Variants in PDE1C observed in about 807,000 individuals in gnomAD.
The protein encoded by PDE1C is dual specificity calcium/calmodulin-dependent 3',5'-cyclic nucleotide phosphodiesterase 1C.
Under a neutral mutation model 93.1 loss-of-function variants are expected in PDE1C, and 62 were observed. The observed-to-expected ratio is 0.67, with a 90% CI of 0.54 to 0.82. PDE1C has a LOEUF of 0.82. Among genes scored for constraint, PDE1C ranks in the 40% least tolerant of loss-of-function variants. The pLI is 0.00. For synonymous variants in PDE1C, 325 were observed against 310.1 expected (o/e 1.05, Z -0.50); for missense variants, 742 against 884.6 (o/e 0.84, Z 2.04).
intron 2 of PDE1C, among the ~76,000 whole-genome samples, chr7:32,176,079 T>C (rs922908921): frequency 4.6e-5 from 7 of 152,260 alleles, no homozygotes; most frequent in African/African-American, 1.7e-4. Flanking sequence ...CATGTTCACT[T>C]TGTACTTGTA....
chr7:32,004,928 G>A (rs1785989317), intron 2 of PDE1C, among the ~76,000 whole-genome samples: 1 of 152,142 alleles, frequency 6.6e-6, no homozygotes, highest in African/African-American at 2.4e-5. Flanking sequence ...AGAGAAAACT[G>A]AGGTCTCTTC....
intron 3 of PDE1C, 161 bp from the exon 4 acceptor site, chr7:31,879,339 T>C: frequency 1.6e-6 from 1 of 630,846 alleles, no homozygotes; most frequent in Non-Finnish European, 2.7e-6. Context: ...AAGGCTTATG[T>C]AAGCTCGCCA....
At chr7:31,813,192 C>G (rs1416776779) in intron 15 of PDE1C, among the ~76,000 whole-genome samples, 1 of 152,112 alleles carries the variant, frequency 6.6e-6, no homozygotes, top group East Asian at 1.9e-4. Context: ...GCCTTTCTCA[C>G]CACCCCTTAC....
At chr7:31,738,501 G>A in the PDE1C span, among the ~76,000 whole-genome samples, 1 of 152,200 alleles carries the variant, frequency 6.6e-6, no homozygotes, top group African/African-American at 2.4e-5. Context: ...TCGCCACCTG[G>A]CCCTGCTCTT....
intron 7 of PDE1C, among the ~76,000 whole-genome samples, chr7:31,859,119 C>CTG (rs1554374146): frequency 4.3e-4 from 64 of 147,824 alleles, no homozygotes; most frequent in African/African-American, 1.6e-3. Context: ...GATGTATTGA[C>CTG]TATATATATA....
chr7:32,307,911 G>A (rs866932177), intron 1 of PDE1C, among the ~76,000 whole-genome samples: 4 of 152,192 alleles, frequency 2.6e-5, no homozygotes, highest in East Asian at 1.9e-4. Flanking sequence ...CACTGTGCGT[G>A]AGCCGAAGCA....
At chr7:32,318,735 G>A (rs1296979110) in intron 1 of PDE1C, among the ~76,000 whole-genome samples, 1 of 152,194 alleles carries the variant, frequency 6.6e-6, no homozygotes, top group Non-Finnish European at 1.5e-5. Flanking sequence ...AGTTGGTCAC[G>A]AGGACATTAA....
At chr7:31,843,567 G>A (rs1425730748) in intron 9 of PDE1C, among the ~76,000 whole-genome samples, 1 of 151,612 alleles carries the variant, frequency 6.6e-6, no homozygotes, top group Admixed American at 6.6e-5. Flanking sequence ...GAACCTTTTT[G>A]TGTATTTATA....
intron 1 of PDE1C, among the ~76,000 whole-genome samples, chr7:32,066,622 G>T (rs916144948): frequency 4.6e-5 from 7 of 152,092 alleles, no homozygotes; most frequent in African/African-American, 1.4e-4. Flanking sequence ...GGGACCCAAG[G>T]TACAGTCATA....
chr7:31,812,024 T>C (rs1392133582), intron 15 of PDE1C, among the ~76,000 whole-genome samples: 1 of 152,076 alleles, frequency 6.6e-6, no homozygotes, highest in Non-Finnish European at 1.5e-5. Context: ...GTATCTGGAG[T>C]AATGGCTGAC....
chr7:31,643,691 A>G, the PDE1C span: 31 of 1,614,036 alleles, frequency 1.9e-5, no homozygotes, highest in Non-Finnish European at 2.4e-5. Context: ...ACCTTGACAC[A>G]TGGGCCCCAG....
chr7:32,090,456 G>A (rs1323415370), intron 3 of PDE1C, among the ~76,000 whole-genome samples: 4 of 152,240 alleles, frequency 2.6e-5, no homozygotes, highest in East Asian at 1.9e-4. Context: ...TGACATGCGC[G>A]GGCTTTCTTC....
intron 2 of PDE1C, among the ~76,000 whole-genome samples, chr7:32,008,931 A>G (rs932216044): frequency 2.3e-4 from 2 of 8,742 alleles, no homozygotes; most frequent in African/African-American, 2.6e-3. Context: ...TTGATATCAT[A>G]AGACAAAAAA....
chr7:31,784,967 C>T (rs1783771934), intron 16 of PDE1C: 1 of 152,098 alleles, frequency 6.6e-6, no homozygotes, highest in South Asian at 2.1e-4. Flanking sequence ...GACAGTAGTA[C>T]ACAAATTCTA....
intron 1 of PDE1C, among the ~76,000 whole-genome samples, chr7:32,212,025 C>CAAAAAAAAAAAAA (rs35827566): frequency 2.5e-5 from 2 of 81,276 alleles, no homozygotes; most frequent in East Asian, 6.5e-4. Flanking sequence ...GAACCTATCT[C>CAAAAAAAAAAAAA]AAAAAAAAAA....
At chr7:32,003,628 A>G (rs1257661574) in intron 2 of PDE1C, among the ~76,000 whole-genome samples, 1 of 152,222 alleles carries the variant, frequency 6.6e-6, no homozygotes, top group Non-Finnish European at 1.5e-5. Flanking sequence ...ATAACAACAT[A>G]GCTATGACTG....
chr7:31,957,178 T>C (rs941164906), intron 2 of PDE1C, among the ~76,000 whole-genome samples: 1 of 149,836 alleles, frequency 6.7e-6, no homozygotes, highest in East Asian at 1.9e-4. Flanking sequence ...TCATACTAGA[T>C]AGCCAAGTCA....
intron 16 of PDE1C, among the ~76,000 whole-genome samples, chr7:31,781,211 C>A (rs932865616): frequency 6.6e-6 from 1 of 152,170 alleles, no homozygotes; most frequent in Admixed American, 6.5e-5. Context: ...GCAGCTTAAC[C>A]TCAAACAAAT....
chr7:31,689,443 T>C, the PDE1C span, among the ~76,000 whole-genome samples: 2 of 152,154 alleles, frequency 1.3e-5, no homozygotes, highest in Non-Finnish European at 2.9e-5. Flanking sequence ...AAACCTTCCC[T>C]GGGCAGCCCA....
Sources: allele counts gnomAD v4.1 joint callset (sites outside exome capture counted in the v4.1 genomes callset), GRCh38; gene constraint gnomAD v4.1.1; transcripts MANE v1.5; gene names NCBI Gene and HGNC (gene_info 2026-07-23, HGNC 2026-07-21).